Variants in BDP1 observed in about 807,000 individuals in gnomAD.
The protein encoded by BDP1 is transcription factor TFIIIB component B'' homolog.
In BDP1, 169 loss-of-function variants were observed where a neutral mutation model predicts 266.6. The ratio of observed to expected loss-of-function variants is 0.63; its 90% CI spans 0.56 to 0.72. The LOEUF is 0.72. Among genes scored for constraint, BDP1 ranks in the 30% least tolerant of loss-of-function variants. The pLI, the probability that BDP1 is intolerant of heterozygous loss-of-function variation, is 0.00. For synonymous variants in BDP1, 1,090 were observed against 1,022.4 expected (o/e 1.07, Z -1.26); for missense variants, 3,015 against 3,053.8 (o/e 0.99, Z 0.30).
In BDP1 at chr5:71,549,586, CGAAGAAAGGGGTGACAT is replaced by C; in HGVS notation, c.6978_6994del (p.Glu2327TyrfsTer22). The C allele has an allele frequency of 6.2e-7, 1 of 1,602,118 alleles. No homozygotes were observed. The highest frequency in any genetic ancestry group is 8.5e-7 in the Non-Finnish European group (1 of 1,175,264). On this transcript the variant is annotated frameshift_variant, in exon 34 of 39. Coordinates refer to ENST00000358731, the MANE Select transcript of BDP1 (RefSeq NM_018429.3). LOFTEE classifies it high-confidence loss of function. ...CCATATTGGTCAAATCAGTGAATAC[CGAAGAAAGGGGTGACAT>C]GAGGTAACGAATGAGTGAAACTGTT...
intron 7 of BDP1, 140 bp from the exon 8 acceptor site, chr5:71,483,702 T>G (rs745968548): frequency 2.7e-5 from 17 of 631,492 alleles, no homozygotes; most frequent in Non-Finnish European, 4.2e-5. Flanking sequence ...AAGGTTTAAG[T>G]AACTTGCCTA....
intron 7 of BDP1, among the ~76,000 whole-genome samples, chr5:71,479,797 C>T (rs1039449388): frequency 1.2e-4 from 18 of 152,172 alleles, no homozygotes; most frequent in Non-Finnish European, 1.8e-4. Context: ...CTGCCTGCCT[C>T]GGCCTCCCAA....
At chr5:71,532,646 T>C (rs1038027101) in intron 26 of BDP1, among the ~76,000 whole-genome samples, 2 of 152,230 alleles carry the variant, frequency 1.3e-5, no homozygotes, top group Admixed American at 6.5e-5. Context: ...ACATTAAAAT[T>C]CAGTTGCATT....
At chr5:71,474,858 A>T (rs1219922999) in intron 7 of BDP1, among the ~76,000 whole-genome samples, 1 of 124,290 alleles carries the variant, frequency 8.0e-6, no homozygotes, top group Non-Finnish European at 1.8e-5. Flanking sequence ...AAAAAAAAAA[A>T]ATATATGATC....
chr5:71,467,268 A>T lies in BDP1; in HGVS notation c.786-86A>T. 5 of 1,149,000 alleles carry T rather than the reference A, an allele frequency of 4.4e-6. No individual in the cohort carries two copies. In the South Asian group the frequency reaches 4.4e-5, roughly 10 times the overall value. 71.2% of individuals were successfully genotyped at this position (1,149,000 alleles called of 1,614,324 possible). On this transcript the variant is annotated intron_variant, in intron 5 of 38. Coordinates refer to ENST00000358731, the MANE Select transcript of BDP1 (RefSeq NM_018429.3). ...GCCTTTGATATGATTGCCATGCTAA[A>T]CCTCAAAATATAACTATTTACATCT...
chr5:71,569,759 A>G (rs1323397033), downstream of BDP1, among the ~76,000 whole-genome samples: 1 of 152,052 alleles, frequency 6.6e-6, no homozygotes, highest in East Asian at 1.9e-4. Flanking sequence ...TAATTAGAAA[A>G]CACACACACT....
chr5:71,497,324 A>G lies in BDP1; in HGVS notation c.1854A>G (p.Arg618=), dbSNP rs758112906. ...CAATGTTGAGAGGTCGCTTCCAAAGACCTAAACCCAATTTGTCAAGGGCTG... is the reference window on the plus strand; with the variant it reads ...CAATGTTGAGAGGTCGCTTCCAAAGGCCTAAACCCAATTTGTCAAGGGCTG... ...VKPMLRGRFQ[R]PKPNLSRAGK... The change falls in exon 13 of 39, where the codon AGA becomes AGG. Residue 618 remains arginine, a synonymous_variant. Coordinates refer to ENST00000358731, the MANE Select transcript of BDP1 (RefSeq NM_018429.3). 2 of 1,613,890 alleles carry G rather than the reference A, an allele frequency of 1.2e-6. No homozygotes were observed. The highest frequency in any genetic ancestry group is 1.7e-6 in the Non-Finnish European group (2 of 1,179,910).
chr5:71,535,581 G>A (rs947684525), intron 26 of BDP1, among the ~76,000 whole-genome samples: 1 of 152,046 alleles, frequency 6.6e-6, no homozygotes, highest in Non-Finnish European at 1.5e-5. Flanking sequence ...AATTCTCCAG[G>A]CACTTATGGA....
chr5:71,516,761 CTTTTGGTATT>C, intron 21 of BDP1, among the ~76,000 whole-genome samples: 1 of 152,040 alleles, frequency 6.6e-6, no homozygotes, highest in East Asian at 1.9e-4. Context: ...ATTAATGGGT[CTTTTGGTATT>C]AGGGAAAAAG....
intron 2 of BDP1, among the ~76,000 whole-genome samples, chr5:71,460,070 T>G (rs1275682360): frequency 6.6e-6 from 1 of 152,182 alleles, no homozygotes; most frequent in African/African-American, 2.4e-5. Context: ...AGTCAATACA[T>G]GTAAAACACA....
intron 7 of BDP1, among the ~76,000 whole-genome samples, chr5:71,480,435 A>G (rs976586488): frequency 6.6e-6 from 1 of 150,464 alleles, no homozygotes; most frequent in African/African-American, 2.4e-5. Context: ...TGCCCAGCCT[A>G]ATTTTTATAT....
At position 71,542,160 on chromosome 5, in the gene BDP1, C is replaced by T; in HGVS notation, c.6307C>T (p.Pro2103Ser). The T allele has an allele frequency of 6.2e-7, 1 of 1,613,300 alleles. No homozygotes were observed. The highest frequency in any genetic ancestry group is 2.2e-5 in the East Asian group (1 of 44,804). ...NLRIRSRLAK[P>S]KPNLEKTLGT... ...GAGAATAAGAAGTAGGCTTGCTAAG[C>T]CTAAACCAAATCTTGAGAAGACTTT... The change falls in exon 30 of 39, where the codon CCT becomes TCT. Residue 2103 changes from proline (P) to serine (S), a missense_variant. By Grantham distance (74) the Pro-to-Ser change is moderately conservative. Transcript: ENST00000358731.
At chr5:71,534,937 G>C (rs1477197107) in intron 26 of BDP1, among the ~76,000 whole-genome samples, 1 of 152,090 alleles carries the variant, frequency 6.6e-6, no homozygotes, top group Non-Finnish European at 1.5e-5. Flanking sequence ...CACCGTGCCC[G>C]GCCTGGGATT....
chr5:71,517,612 G>A (rs988957514), intron 22 of BDP1, among the ~76,000 whole-genome samples, 160 bp downstream of exon 22: 1 of 152,068 alleles, frequency 6.6e-6, no homozygotes, highest in Non-Finnish European at 1.5e-5. Context: ...TCTGCTTCTC[G>A]AATACTGTAT....
At chr5:71,495,510 A>AG in intron 12 of BDP1, 102 bp downstream of exon 12, 7 of 660,954 alleles carry the variant, frequency 1.1e-5, no homozygotes, top group Non-Finnish European at 1.7e-5. Context: ...TTATTAATAC[A>AG]TACTTTATTA....
intron 8 of BDP1, among the ~76,000 whole-genome samples, chr5:71,484,776 T>G (rs1021060436): frequency 6.6e-5 from 10 of 152,232 alleles, no homozygotes; most frequent in African/African-American, 2.4e-4. Flanking sequence ...TATCAGTATT[T>G]TATGATTAAT....
intron 8 of BDP1, 87 bp from the exon 9 acceptor site, chr5:71,486,397 T>G: frequency 8.8e-7 from 1 of 1,142,780 alleles, no homozygotes; most frequent in Non-Finnish European, 1.2e-6. Flanking sequence ...AACAAACCCA[T>G]TTGCTTTTGA....
At chr5:71,550,457 TAA>T (rs67375989) in intron 34 of BDP1, among the ~76,000 whole-genome samples, 2 of 134,910 alleles carry the variant, frequency 1.5e-5, no homozygotes, top group Non-Finnish European at 3.3e-5. Context: ...GTTAGCTAAT[TAA>T]AAAAAAATTT....
chr5:71,467,259 C>A, intron 5 of BDP1, 95 bp from the exon 6 acceptor site: 1 of 1,004,042 alleles, frequency 1.0e-6, no homozygotes. Context: ...GATATGATTG[C>A]CATGCTAAAC....
Sources: gnomAD v4.1 joint callset for allele counts (sites outside exome capture counted in the v4.1 genomes callset) on GRCh38, gnomAD v4.1.1 for gene constraint, MANE v1.5 for transcripts, NCBI Gene and HGNC (gene_info 2026-07-23, HGNC 2026-07-21) for gene names.